SIMC1: variants seen among roughly 807,000 people sequenced by gnomAD.
The protein encoded by SIMC1 is SUMO interacting motifs containing 1, also known as SUMO-interacting motif-containing protein 1.
A neutral mutation model predicts 82.3 loss-of-function variants in SIMC1; 55 were observed. The ratio of observed to expected loss-of-function variants is 0.67; its 90% confidence interval spans 0.54 to 0.84. The LOEUF is 0.84. Among genes scored for constraint, SIMC1 ranks in the 40% least tolerant of loss-of-function variants. SIMC1 has a pLI of 0.00. For missense variants in SIMC1, 915 were observed against 1,107.2 expected (o/e 0.83, Z 2.46); for synonymous variants, 353 against 426.3 (o/e 0.83, Z 2.12).
At chr5:176,270,101 C>T (rs1187225210) in intron 1 of SIMC1, 2 of 151,074 alleles carry the variant, frequency 1.3e-5, no homozygotes, top group Non-Finnish European at 2.9e-5. Context: ...CACTGAAGCC[C>T]ATCAATATAG....
At chr5:176,318,859 C>A (rs1456468965) in intron 5 of SIMC1, among the ~76,000 whole-genome samples, 1 of 152,194 alleles carries the variant, frequency 6.6e-6, no homozygotes, top group Non-Finnish European at 1.5e-5. Flanking sequence ...GTAGTCCCAG[C>A]ACTTTGGGAG....
chr5:176,309,250 T>C (rs1403532763), intron 4 of SIMC1, among the ~76,000 whole-genome samples: 1 of 152,178 alleles, frequency 6.6e-6, no homozygotes, highest in Admixed American at 6.5e-5. Flanking sequence ...TTTGAAAAAG[T>C]GCAAAAGCAA....
intron 9 of SIMC1, among the ~76,000 whole-genome samples, chr5:176,340,899 C>T (rs1766110191): frequency 6.6e-6 from 1 of 152,210 alleles, no homozygotes; most frequent in Non-Finnish European, 1.5e-5. Context: ...GTAATCCTAA[C>T]ACTTTGGGAT....
chr5:176,334,450 G>T (rs1765798951), intron 7 of SIMC1, among the ~76,000 whole-genome samples: 1 of 152,102 alleles, frequency 6.6e-6, no homozygotes, highest in African/African-American at 2.4e-5. Context: ...TATTCAGTGA[G>T]ATCTCTCCAC....
At chr5:176,338,311 G>T (rs1056202967) in intron 9 of SIMC1, among the ~76,000 whole-genome samples, 2 of 152,254 alleles carry the variant, frequency 1.3e-5, no homozygotes, top group South Asian at 2.1e-4. Flanking sequence ...ATGACCCTAG[G>T]CTGGATCCTG....
Position 176,345,183 on chromosome 5 carries a change from A to G in SIMC1, c.2414A>G (p.Glu805Gly), listed in dbSNP as rs142787096. The change falls in exon 10 of 10, where the codon GAA (glutamate) becomes GGA (glycine). Residue 805 changes from glutamate (E) to glycine (G), a missense_variant and splice_region_variant. By Grantham distance (98) the Glu-to-Gly change is moderately conservative. Coordinates refer to ENST00000429602, the MANE Select transcript of SIMC1 (RefSeq NM_001308195.2). ...CAACTGACTTTTTTCCCTCTTGCAG[A>G]ACACTTAAGGAGTTCCGTGATCGAC... is the stretch of plus-strand genomic sequence containing the variant. ...LLSSYQHVLR[E>G]HLRSSVIDRK... The G allele has an allele frequency of 4.2e-5, 68 of 1,611,004 alleles. No homozygotes were observed. The highest frequency in any genetic ancestry group is 5.6e-5 in the Non-Finnish European group (66 of 1,178,080).
chr5:176,257,898 G>T (rs181571122), intron 1 of SIMC1, among the ~76,000 whole-genome samples: 2 of 152,252 alleles, frequency 1.3e-5, no homozygotes, highest in East Asian at 3.9e-4. Context: ...CCTGCCAGTA[G>T]TAACCCCTCA....
chr5:176,314,113 A>G (rs1670143638), intron 5 of SIMC1, among the ~76,000 whole-genome samples: 1 of 152,148 alleles, frequency 6.6e-6, no homozygotes, highest in Non-Finnish European at 1.5e-5. Context: ...CTAAAAATAT[A>G]CAAATTAGCA....
At chr5:176,243,652 AG>A (rs1761342124) in intron 1 of SIMC1, among the ~76,000 whole-genome samples, 1 of 151,824 alleles carries the variant, frequency 6.6e-6, no homozygotes, top group African/African-American at 2.4e-5. Context: ...CCTCCCGAGT[AG>A]CCGGGACTAC....
chr5:176,327,085 G>C (rs1242170721), intron 7 of SIMC1, among the ~76,000 whole-genome samples: 6 of 152,100 alleles, frequency 3.9e-5, no homozygotes, highest in South Asian at 2.1e-4. Flanking sequence ...TATTTCATTT[G>C]GGTCCAACTC....
chr5:176,265,817 TTAAC>T (rs1762187433), intron 1 of SIMC1, among the ~76,000 whole-genome samples: 1 of 151,994 alleles, frequency 6.6e-6, no homozygotes, highest in African/African-American at 2.4e-5. Context: ...TGAGAATAAA[TTAAC>T]AAATATTATT....
chr5:176,331,363 C>T (rs1765659219), intron 7 of SIMC1, among the ~76,000 whole-genome samples: 1 of 93,162 alleles, frequency 1.1e-5, no homozygotes, highest in African/African-American at 3.2e-5. Context: ...GAGCGAGACT[C>T]TGTCTAAAAA....
At chr5:176,293,870 A>G (rs1323358636) in intron 2 of SIMC1, among the ~76,000 whole-genome samples, 1 of 152,196 alleles carries the variant, frequency 6.6e-6, no homozygotes, top group African/African-American at 2.4e-5. Flanking sequence ...TGAAAAATAT[A>G]GAAGAGCACA....
chr5:176,308,850 A>G, intron 4 of SIMC1: 1 of 1,259,304 alleles, frequency 7.9e-7, no homozygotes, highest in Non-Finnish European at 1.2e-6. Flanking sequence ...ACCAAGATCC[A>G]TAATGGCTCA....
At chr5:176,311,838 C>T (rs1411860788) in intron 4 of SIMC1, among the ~76,000 whole-genome samples, 3 of 152,088 alleles carry the variant, frequency 2.0e-5, no homozygotes, top group Admixed American at 1.3e-4. Context: ...ATATACAAAG[C>T]ATAGGAGACA....
intron 1 of SIMC1, among the ~76,000 whole-genome samples, chr5:176,241,915 C>T (rs1307025873): frequency 3.9e-5 from 6 of 151,936 alleles, no homozygotes; most frequent in Admixed American, 6.6e-5. Flanking sequence ...ACATCTCAAG[C>T]GATTCAGCTT....
chr5:176,285,644 T>G (rs201299221), intron 1 of SIMC1, among the ~76,000 whole-genome samples: 4 of 147,828 alleles, frequency 2.7e-5, no homozygotes, highest in African/African-American at 1.0e-4. Context: ...CCAGGGCAAT[T>G]AGGCAGGAGA....
intron 7 of SIMC1, among the ~76,000 whole-genome samples, chr5:176,325,838 T>C (rs554184901): frequency 1.3e-5 from 2 of 152,044 alleles, no homozygotes; most frequent in African/African-American, 4.8e-5. Flanking sequence ...AATAGATATA[T>C]CCAATATTAG....
chr5:176,344,014 C>T (rs938884781), intron 9 of SIMC1, among the ~76,000 whole-genome samples: 2 of 152,104 alleles, frequency 1.3e-5, no homozygotes, highest in Non-Finnish European at 2.9e-5. Context: ...CCAGGCTGGT[C>T]TCAAACTCCT....
Sources: allele counts gnomAD v4.1 joint callset (sites outside exome capture counted in the v4.1 genomes callset), GRCh38; gene constraint gnomAD v4.1.1; transcripts MANE v1.5; gene names NCBI Gene and HGNC (gene_info 2026-07-23, HGNC 2026-07-21).